TERB1: variants seen among roughly 807,000 people sequenced by gnomAD.
TERB1 encodes the protein telomere repeat binding bouquet formation protein 1.
Under a neutral mutation model 92.3 loss-of-function variants are expected in TERB1, and 63 were observed. The observed-to-expected ratio is 0.68, with a 90% CI of 0.56 to 0.84. The LOEUF is 0.84. Among genes scored for constraint, TERB1 ranks in the 40% least tolerant of loss-of-function variants. The pLI, the probability that TERB1 is intolerant of heterozygous loss-of-function variation, is 0.00. For synonymous variants in TERB1, 252 were observed against 283.9 expected, an observed-to-expected ratio of 0.89 and a Z score of 1.13; for missense variants, 709 against 843.7, an observed-to-expected ratio of 0.84 and a Z score of 1.98.
chr16:66,790,389 A>G (rs2018810785), intron 5 of TERB1, among the ~76,000 whole-genome samples: 1 of 150,384 alleles, frequency 6.6e-6, no homozygotes, highest in South Asian at 2.1e-4. Context: ...CAAGGAAAGG[A>G]ACGGAAAGGA....
intron 9 of TERB1, among the ~76,000 whole-genome samples, chr16:66,784,424 C>G (rs926808155): frequency 5.3e-5 from 8 of 151,858 alleles, no homozygotes; most frequent in Non-Finnish European, 1.2e-4. Context: ...CCCTGCCTCC[C>G]AGGTTCAAGT....
chr16:66,770,245 G>A lies in TERB1; in HGVS notation c.1337C>T (p.Thr446Ile), dbSNP rs544684646. 7.6e-5 allele frequency: 118 copies of A among 1,552,050 alleles called. 1 individual carries two copies. In the South Asian group the frequency reaches 1.3e-3, roughly 18 times the overall value. ...ISSMNISIQN[T>I]WKHLHADRIG... ...CCGATCTGCATGGAGATGTTTCCATGTATTCTGAATACTTATGTTCATAGA... is the reference window on the plus strand; with the variant it reads ...CCGATCTGCATGGAGATGTTTCCATATATTCTGAATACTTATGTTCATAGA... The change falls in exon 14 of 19, where the codon ACA becomes ATA. Residue 446 changes from threonine to isoleucine, a missense_variant. Transcript: ENST00000433154.
chr16:66,758,971 C>G (rs1188835817), intron 17 of TERB1, 133 bp from the exon 18 acceptor site: 5 of 943,904 alleles, frequency 5.3e-6, no homozygotes, highest in Non-Finnish European at 6.4e-6. Context: ...AATTTTTAAA[C>G]CAACAGTCTA....
At position 66,765,222 on chromosome 16, in the gene TERB1, C is replaced by A. The variant is rs558973640; in HGVS notation, c.1780+2193G>T. On this transcript the variant is annotated intron_variant, in intron 16 of 18. Transcript: ENST00000433154. Reference sequence around the variant, plus strand: ...AAATAACCATCTCATACAAACTAAGCAATTACAGAACATCCACTTTGCCAC... The same window carrying A: ...AAATAACCATCTCATACAAACTAAGAAATTACAGAACATCCACTTTGCCAC... 1.8e-4 allele frequency among the ~76,000 whole-genome samples: 27 copies of A among 152,216 alleles called. No homozygotes were observed. The East Asian group carries it at 3.5e-3, about 20-fold the overall frequency.
intron 2 of TERB1, among the ~76,000 whole-genome samples, chr16:66,798,717 T>C (rs1333324710): frequency 6.6e-6 from 1 of 152,198 alleles, no homozygotes; most frequent in Non-Finnish European, 1.5e-5. Context: ...ATATTAACAC[T>C]TGTCTTTAGT....
intron 2 of TERB1, among the ~76,000 whole-genome samples, chr16:66,797,255 C>T (rs1180267182): frequency 2.2e-5 from 3 of 135,348 alleles, no homozygotes; most frequent in African/African-American, 5.6e-5. Context: ...TTTTTTTGGA[C>T]AGCAGGGTCT....
At chr16:66,773,249 C>T (rs1304661627) in intron 12 of TERB1, among the ~76,000 whole-genome samples, 1 of 152,054 alleles carries the variant, frequency 6.6e-6, no homozygotes, top group Non-Finnish European at 1.5e-5. Flanking sequence ...CACAAGAATC[C>T]CTCAAACCCA....
chr16:66,762,511 A>G (rs571964879), intron 16 of TERB1, among the ~76,000 whole-genome samples: 1 of 151,270 alleles, frequency 6.6e-6, no homozygotes, highest in East Asian at 2.0e-4. Flanking sequence ...CAGTCTCCTA[A>G]GTAGCTACAA....
chr16:66,775,347 A>G, intron 11 of TERB1, 104 bp from the exon 12 acceptor site: 1 of 1,105,544 alleles, frequency 9.0e-7, no homozygotes. Flanking sequence ...AAAATTTTAA[A>G]AATAGGCCAG....
intron 10 of TERB1, among the ~76,000 whole-genome samples, chr16:66,777,570 A>G (rs575456927): frequency 6.6e-6 from 1 of 152,306 alleles, no homozygotes; most frequent in East Asian, 1.9e-4. Flanking sequence ...TTCTTCCCAT[A>G]CTAAAGACAT....
At chr16:66,773,933 G>A (rs1223823898) in intron 12 of TERB1, among the ~76,000 whole-genome samples, 4 of 151,752 alleles carry the variant, frequency 2.6e-5, no homozygotes, top group Non-Finnish European at 5.9e-5. Context: ...AGGCTGCAGT[G>A]CAGTGGCACG....
At position 66,775,234 on chromosome 16, in the gene TERB1, T is replaced by C; in HGVS notation, c.995A>G (p.Gln332Arg). The change falls in exon 12 of 19, where the codon CAG becomes CGG. Residue 332 changes from glutamine to arginine, a missense_variant. Gln to Arg is a conservative substitution (Grantham distance 43, BLOSUM62 1). Coordinates refer to ENST00000433154, the MANE Select transcript of TERB1 (RefSeq NM_001136505.2). ...GHCTEDCEENQYDLFKNNGLP... is the reference protein window; with the variant it reads ...GHCTEDCEENRYDLFKNNGLP... ...CCCATTGTTTTTAAAAAGGTCATAC[T>C]GATTTTCCTCTGGAAAACATAAACA... The C allele has an allele frequency of 6.4e-7, 1 of 1,550,696 alleles. No homozygotes were observed. The highest frequency in any genetic ancestry group is 8.7e-7 in the Non-Finnish European group (1 of 1,146,152).
intron 16 of TERB1, among the ~76,000 whole-genome samples, chr16:66,760,292 C>T (rs1359886137): frequency 7.0e-6 from 1 of 143,214 alleles, no homozygotes; most frequent in East Asian, 2.0e-4. Flanking sequence ...AACCCCATCT[C>T]TACTAAAAAT....
In TERB1 at chr16:66,786,225, C is replaced by G; in HGVS notation, c.461G>C (p.Arg154Thr). The G allele has an allele frequency of 6.5e-7, 1 of 1,548,146 alleles. No homozygotes were observed. Among genetic ancestry groups the G allele is most frequent in the Non-Finnish European group, 8.7e-7 (1 of 1,145,012 alleles). The change falls in exon 7 of 19, where the codon AGG becomes ACG. Residue 154 changes from arginine (R) to threonine (T), a missense_variant and splice_region_variant. Arg to Thr is a moderately conservative substitution (Grantham distance 71). Coordinates refer to ENST00000433154, the MANE Select transcript of TERB1 (RefSeq NM_001136505.2). ...CAAAAAGAAATTTGTATTTGTTTAC[C>G]TGAATAACCGTGACAGAACTGTAAT... ...GCITVLSRLF[R>T]TVISKHELDL... is the part of the protein sequence containing the mutation.
chr16:66,777,132 G>GAAA (rs71671589), intron 11 of TERB1, 71 bp downstream of exon 11: 28 of 1,173,248 alleles, frequency 2.4e-5, no homozygotes, highest in South Asian at 7.4e-5. Flanking sequence ...ATAACTGGAA[G>GAAA]AAAAAAAAAA....
chr16:66,790,774 G>T, intron 4 of TERB1, 51 bp from the exon 5 acceptor site: 1 of 1,519,486 alleles, frequency 6.6e-7, no homozygotes, highest in South Asian at 1.2e-5. Context: ...TTATTTTCAG[G>T]GATAAAATAA....
At chr16:66,774,459 A>T (rs1289029042) in intron 12 of TERB1, among the ~76,000 whole-genome samples, 1 of 152,164 alleles carries the variant, frequency 6.6e-6, no homozygotes, top group Non-Finnish European at 1.5e-5. Context: ...TGCTGGGATT[A>T]CAGGCGTGAG....
At chr16:66,790,745 A>C in intron 4 of TERB1, 22 bp from the exon 5 acceptor site, 2 of 1,546,884 alleles carry the variant, frequency 1.3e-6, no homozygotes, top group Non-Finnish European at 1.7e-6. Flanking sequence ...GCAGAAAAAA[A>C]ACAAAATAGA....
At position 66,770,174 on chromosome 16, in the gene TERB1, T is replaced by C. The variant is rs928537827; in HGVS notation, c.1408A>G (p.Arg470Gly). 3 of 1,552,360 alleles carry C rather than the reference T, an allele frequency of 1.9e-6. No individual in the cohort carries two copies. Among genetic ancestry groups the C allele is most frequent in the Admixed American group, 3.9e-5 (2 of 51,012 alleles). The change falls in exon 14 of 19, where the codon AGA becomes GGA. Residue 470 changes from arginine (R) to glycine (G), a missense_variant. Transcript: ENST00000433154. ...TGGGACTTATAACTCTGTAACTGTCTAGAATGGCTTTTATCCTCATCTTCT... is the reference window on the plus strand; with the variant it reads ...TGGGACTTATAACTCTGTAACTGTCCAGAATGGCTTTTATCCTCATCTTCT... ...KAEDEDKSHS[R>G]QLQSYKSHGV...
Sources: allele counts gnomAD v4.1 joint callset (sites outside exome capture counted in the v4.1 genomes callset), GRCh38; gene constraint gnomAD v4.1.1; transcripts MANE v1.5; gene names NCBI Gene and HGNC (gene_info 2026-07-23, HGNC 2026-07-21).